SLC41A2: variants seen among roughly 807,000 people sequenced by gnomAD.
SLC41A2 encodes SLC41A1-like 1.
A neutral mutation model predicts 58.3 loss-of-function variants in SLC41A2; 32 were observed. The observed-to-expected ratio is 0.55, with a 90% CI of 0.41 to 0.74. The LOEUF is 0.74. SLC41A2 is among the 30% of genes least tolerant of loss of function. The pLI, the probability that SLC41A2 is intolerant of heterozygous loss-of-function variation, is 0.00. For missense variants in SLC41A2, 514 were observed against 680.6 expected, an observed-to-expected ratio of 0.76 and a Z score of 2.72; for synonymous variants, 190 against 235.0, an observed-to-expected ratio of 0.81 and a Z score of 1.75.
intron 2 of SLC41A2, among the ~76,000 whole-genome samples, chr12:104,925,715 T>C (rs185160340): frequency 1.2e-3 from 181 of 152,316 alleles, no homozygotes; most frequent in African/African-American, 4.3e-3. Flanking sequence ...TATCAGGAAG[T>C]AAGTCAACAT....
intron 1 of SLC41A2, among the ~76,000 whole-genome samples, chr12:104,940,051 T>C (rs530923327): frequency 3.0e-4 from 45 of 152,236 alleles, no homozygotes; most frequent in Non-Finnish European, 2.6e-4. Flanking sequence ...TTCACTCTTT[T>C]TGCCCAGGCT....
intron 1 of SLC41A2, among the ~76,000 whole-genome samples, chr12:104,946,630 T>C (rs1391465064): frequency 2.6e-5 from 4 of 152,186 alleles, no homozygotes; most frequent in African/African-American, 7.2e-5. Context: ...ATTATTCACA[T>C]GGAATCTTTA....
intron 4 of SLC41A2, 100 bp downstream of exon 4, chr12:104,895,170 CAATT>C (rs1207411383): frequency 4.1e-6 from 3 of 726,596 alleles, no homozygotes; most frequent in African/African-American, 3.6e-5. Flanking sequence ...TTTCTGAAAA[CAATT>C]AAAGGGTAGA....
At position 104,906,031 on chromosome 12, in the gene SLC41A2, G is replaced by A. The variant is rs368764647; in HGVS notation, c.663+3624C>T. Among the ~76,000 whole-genome samples, 40 of 152,382 alleles carry A rather than the reference G, an allele frequency of 2.6e-4. 1 individual carries two copies. The South Asian group carries it at 8.3e-3, about 32-fold the overall frequency. On this transcript the variant is annotated intron_variant, in intron 3 of 10. Coordinates refer to ENST00000258538, the MANE Select transcript of SLC41A2 (RefSeq NM_001352171.3). Reference sequence around the variant, plus strand: ...TGGGAGCCCAGGCAGGGGAGGTGCCGAGAGCAAGCGAGGGCTCTGAGGACT... The same window carrying A: ...TGGGAGCCCAGGCAGGGGAGGTGCCAAGAGCAAGCGAGGGCTCTGAGGACT...
chr12:104,890,828 G>A (rs1224972908), intron 4 of SLC41A2, among the ~76,000 whole-genome samples: 1 of 152,142 alleles, frequency 6.6e-6, no homozygotes, highest in Non-Finnish European at 1.5e-5. Context: ...CTGTACAATC[G>A]TGAAGAAATC....
At position 104,819,733 on chromosome 12, in the gene SLC41A2, T is replaced by C. The variant is rs545561377; in HGVS notation, c.1537-14396A>G. On this transcript the variant is annotated intron_variant, in intron 10 of 10. Coordinates refer to ENST00000258538, the MANE Select transcript of SLC41A2 (RefSeq NM_001352171.3). ...TAGAGCTATAATTCTCAGACTCCCT[T>C]ACCAGTAGGGTTCCAGCTAGAGATT... 2.6e-5 allele frequency among the ~76,000 whole-genome samples: 4 copies of C among 152,342 alleles called. No homozygotes were observed. In the East Asian group the frequency reaches 5.8e-4, roughly 22 times the overall value.
At chr12:104,945,911 T>C (rs1243173195) in intron 1 of SLC41A2, among the ~76,000 whole-genome samples, 1 of 152,202 alleles carries the variant, frequency 6.6e-6, no homozygotes, top group Non-Finnish European at 1.5e-5. Flanking sequence ...AGCAAGGTGA[T>C]ACACCAAGTC....
chr12:104,935,020 C>T (rs1270745141), intron 1 of SLC41A2, among the ~76,000 whole-genome samples: 4 of 152,088 alleles, frequency 2.6e-5, no homozygotes, highest in African/African-American at 7.2e-5. Flanking sequence ...TGCAATGGTA[C>T]GATCTTGGCC....
intron 8 of SLC41A2, among the ~76,000 whole-genome samples, chr12:104,851,018 G>A (rs1472568537): frequency 6.6e-6 from 1 of 152,110 alleles, no homozygotes; most frequent in Non-Finnish European, 1.5e-5. Flanking sequence ...TGACATCACT[G>A]ATATTTAACT....
chr12:104,884,487 T>A (rs1019328695), intron 6 of SLC41A2, among the ~76,000 whole-genome samples: 4 of 152,146 alleles, frequency 2.6e-5, no homozygotes, highest in African/African-American at 9.7e-5. Context: ...TATACCTGTA[T>A]TTTTTATGTA....
At chr12:104,861,180 G>A (rs1764711141) in intron 8 of SLC41A2, 111 bp downstream of exon 8, 2 of 657,020 alleles carry the variant, frequency 3.0e-6, no homozygotes, top group Admixed American at 6.1e-5. Flanking sequence ...AGAATGGTTG[G>A]GATGGGAGGA....
intron 3 of SLC41A2, among the ~76,000 whole-genome samples, chr12:104,897,586 AG>A (rs2045354661): frequency 6.6e-6 from 1 of 152,092 alleles, no homozygotes; most frequent in African/African-American, 2.4e-5. Flanking sequence ...TACTCTTCTT[AG>A]TCTAAGATAA....
At chr12:104,861,143 T>A (rs540741838) in intron 8 of SLC41A2, 148 bp downstream of exon 8, 23 of 492,876 alleles carry the variant, frequency 4.7e-5, no homozygotes, top group Middle Eastern at 5.5e-4. Context: ...TAATTTTCAC[T>A]GTGAGCAACA....
chr12:104,907,913 A>G (rs189569910), intron 3 of SLC41A2, among the ~76,000 whole-genome samples: 139 of 152,314 alleles, frequency 9.1e-4, no homozygotes, highest in Non-Finnish European at 1.7e-3. Context: ...CCTTTTATAT[A>G]CTATATAAGG....
intron 6 of SLC41A2, 95 bp from the exon 7 acceptor site, chr12:104,866,674 C>T (rs1419170278): frequency 2.1e-6 from 2 of 967,096 alleles, no homozygotes; most frequent in African/African-American, 1.6e-5. Context: ...GAAGGTACGA[C>T]ACTATCAAAC....
chr12:104,865,005 A>G (rs1407245570), intron 7 of SLC41A2, among the ~76,000 whole-genome samples: 1 of 152,096 alleles, frequency 6.6e-6, no homozygotes, highest in Non-Finnish European at 1.5e-5. Context: ...ACTGCAAGGC[A>G]TACTTGGAAC....
At chr12:104,849,942 C>T (rs775358034) in intron 8 of SLC41A2, among the ~76,000 whole-genome samples, 9 of 152,090 alleles carry the variant, frequency 5.9e-5, no homozygotes, top group East Asian at 1.9e-4. Flanking sequence ...TACAACAGTT[C>T]GAAGAATGAG....
At chr12:104,824,977 T>A (rs763450702) in intron 10 of SLC41A2, among the ~76,000 whole-genome samples, 3 of 152,140 alleles carry the variant, frequency 2.0e-5, no homozygotes, top group African/African-American at 7.2e-5. Context: ...CTGTTTCCCT[T>A]CACAGAGTTT....
At chr12:104,828,954 C>G (rs1316292865) in intron 10 of SLC41A2, among the ~76,000 whole-genome samples, 1 of 152,104 alleles carries the variant, frequency 6.6e-6, no homozygotes, top group Non-Finnish European at 1.5e-5. Flanking sequence ...ATGATACTAC[C>G]TTTACAGCCA....
Sources: gnomAD v4.1 joint callset for allele counts (sites outside exome capture counted in the v4.1 genomes callset) on GRCh38, gnomAD v4.1.1 for gene constraint, MANE v1.5 for transcripts, NCBI Gene and HGNC (gene_info 2026-07-23, HGNC 2026-07-21) for gene names.